SULT1E1: variants seen among roughly 807,000 people sequenced by gnomAD.
SULT1E1 encodes sulfotransferase family 1E member 1, also known as sulfotransferase 1E1.
SULT1E1 carries 36 observed loss-of-function variants against 33.6 expected under a neutral mutation model. The observed-to-expected ratio is 1.07, with a 90% CI of 0.82 to 1.41. SULT1E1 has a LOEUF of 1.41. SULT1E1 is among the 40% of genes most tolerant of loss of function. The pLI is 0.00. For missense variants in SULT1E1, 371 were observed against 345.7 expected, an observed-to-expected ratio of 1.07 and a Z score of -0.58; for synonymous variants, 121 against 111.7, an observed-to-expected ratio of 1.08 and a Z score of -0.53.
chr4:69,832,927 T>C, the SULT1E1 span, among the ~76,000 whole-genome samples: 2 of 152,184 alleles, frequency 1.3e-5, no homozygotes, highest in African/African-American at 4.8e-5. Flanking sequence ...CATCTCTATA[T>C]TGAGGGAGTG....
At chr4:69,836,307 A>G (rs1180778410), downstream of SULT1E1, among the ~76,000 whole-genome samples, 1 of 152,238 alleles carries the variant, frequency 6.6e-6, no homozygotes, top group Non-Finnish European at 1.5e-5. Flanking sequence ...AGTCTTGAGC[A>G]AGTCATTTAT....
the SULT1E1 span, among the ~76,000 whole-genome samples, chr4:69,827,461 T>C: frequency 6.6e-6 from 1 of 152,022 alleles, no homozygotes; most frequent in Non-Finnish European, 1.5e-5. Flanking sequence ...AAAAAGCCCA[T>C]GAAATATTCA....
chr4:69,822,577 AC>A, the SULT1E1 span, among the ~76,000 whole-genome samples: 1 of 152,192 alleles, frequency 6.6e-6, no homozygotes, highest in Non-Finnish European at 1.5e-5. Context: ...GACCATGCCA[AC>A]CTGGACCCTG....
intron 7 of SULT1E1, among the ~76,000 whole-genome samples, chr4:69,843,210 A>C (rs1176037302): frequency 6.6e-6 from 1 of 152,108 alleles, no homozygotes; most frequent in Non-Finnish European, 1.5e-5. Context: ...CCACTGAAAT[A>C]ACCCAAAAAC....
the SULT1E1 span, among the ~76,000 whole-genome samples, chr4:69,824,253 C>A: frequency 1.3e-5 from 2 of 152,168 alleles, no homozygotes; most frequent in South Asian, 4.1e-4. Context: ...AGGAGGCCAT[C>A]CAAGTGCCAC....
At chr4:69,828,593 C>A in the SULT1E1 span, among the ~76,000 whole-genome samples, 2 of 152,166 alleles carry the variant, frequency 1.3e-5, no homozygotes, top group African/African-American at 4.8e-5. Context: ...TCACTGCAAG[C>A]TTCCGTGGCT....
intron 6 of SULT1E1, among the ~76,000 whole-genome samples, chr4:69,846,305 CA>C (rs34408656): frequency 0.52 from 56,071 of 107,324 alleles, 11,365 homozygotes; most frequent in South Asian, 0.57. Flanking sequence ...ACAAAACAAT[CA>C]AAAAAAAAAA....
chr4:69,838,126 T>A (rs1356096458), downstream of SULT1E1, among the ~76,000 whole-genome samples: 1 of 152,120 alleles, frequency 6.6e-6, no homozygotes, highest in Non-Finnish European at 1.5e-5. Context: ...TTATATTTCT[T>A]ATTTTATTGC....
chr4:69,851,832 G>A, intron 4 of SULT1E1, among the ~76,000 whole-genome samples: 1 of 152,110 alleles, frequency 6.6e-6, no homozygotes, highest in Middle Eastern at 3.2e-3. Context: ...TAGGGACATG[G>A]ATGAAACTGG....
intron 2 of SULT1E1, among the ~76,000 whole-genome samples, chr4:69,856,706 G>T (rs925793070): frequency 6.6e-6 from 1 of 151,924 alleles, no homozygotes; most frequent in African/African-American, 2.4e-5. Context: ...AGGCCGAGGC[G>T]GGTGGATCAC....
intron 3 of SULT1E1, 130 bp downstream of exon 3, chr4:69,855,171 T>A (rs1215192116): frequency 1.1e-6 from 1 of 926,304 alleles, no homozygotes; most frequent in East Asian, 2.7e-5. Flanking sequence ...TAAATTTAAA[T>A]TTATATGCTG....
At chr4:69,833,911 C>T in the SULT1E1 span, among the ~76,000 whole-genome samples, 1 of 152,242 alleles carries the variant, frequency 6.6e-6, no homozygotes, top group South Asian at 2.1e-4. Context: ...AAATTTAAAG[C>T]CAATACTTTC....
chr4:69,826,844 T>G, the SULT1E1 span, among the ~76,000 whole-genome samples: 1 of 152,152 alleles, frequency 6.6e-6, no homozygotes, highest in Non-Finnish European at 1.5e-5. Context: ...TACACAACTA[T>G]GCAAATCTTG....
chr4:69,851,429 G>A (rs1040829874), intron 4 of SULT1E1, among the ~76,000 whole-genome samples: 18 of 152,016 alleles, frequency 1.2e-4, no homozygotes, highest in Admixed American at 6.6e-4. Context: ...ATGAGATACC[G>A]TCTCACACCA....
chr4:69,830,463 C>T, the SULT1E1 span, among the ~76,000 whole-genome samples: 7 of 152,204 alleles, frequency 4.6e-5, no homozygotes, highest in African/African-American at 9.6e-5. Context: ...CAAAGTCTTT[C>T]GTAAAACTGG....
In SULT1E1 at chr4:69,860,057, T is replaced by C. The variant is rs192022676; in HGVS notation, c.-18A>G. 1 of 152,252 alleles carries C rather than the reference T, an allele frequency of 6.6e-6. No individual in the cohort carries two copies. The highest frequency in any genetic ancestry group is 1.9e-4 in the East Asian group (1 of 5,188). 9.4% of individuals were successfully genotyped at this position (152,252 alleles called of 1,614,324 possible). On this transcript the variant is annotated 5_prime_UTR_variant, in exon 1 of 8. Coordinates refer to ENST00000226444, the MANE Select transcript of SULT1E1 (RefSeq NM_005420.3). ...TAATAAAAAAGTACAACCTGTTTAG[T>C]TGATCCTGTGAAAGAAATTGATCTA...
At chr4:69,843,489 T>A (rs3775779) in intron 7 of SULT1E1, among the ~76,000 whole-genome samples, 40,505 of 152,052 alleles carry the variant, frequency 0.27, 6,010 homozygotes, top group South Asian at 0.43. Flanking sequence ...TCACTGACAG[T>A]ATGGTTCAAA....
In SULT1E1 at chr4:69,845,306, C is replaced by T. The variant is rs371246568; in HGVS notation, c.592-965G>A. 9.2e-5 allele frequency among the ~76,000 whole-genome samples: 14 copies of T among 151,672 alleles called. No homozygotes were observed. In the East Asian group the frequency reaches 1.7e-3, roughly 19 times the overall value. On this transcript the variant is annotated intron_variant, in intron 6 of 7. Coordinates refer to ENST00000226444, the MANE Select transcript of SULT1E1 (RefSeq NM_005420.3). ...AAAACTATCATTGGAATGTTTGTAA[C>T]ATGAAGAAATGATAAATGCTTTAGG...
chr4:69,826,006 C>T, the SULT1E1 span, among the ~76,000 whole-genome samples: 1 of 152,104 alleles, frequency 6.6e-6, no homozygotes, highest in Non-Finnish European at 1.5e-5. Flanking sequence ...ATAATTTTTG[C>T]CCAAAGCCCC....
Sources: gnomAD v4.1 joint callset for allele counts (sites outside exome capture counted in the v4.1 genomes callset) on GRCh38, gnomAD v4.1.1 for gene constraint, MANE v1.5 for transcripts, NCBI Gene and HGNC (gene_info 2026-07-23, HGNC 2026-07-21) for gene names.